The following PTPRT variants were observed in gnomAD, a reference collection of about 807,000 sequenced individuals.
The protein encoded by PTPRT is protein tyrosine phosphatase receptor type T, also known as receptor-type tyrosine-protein phosphatase T.
PTPRT carries 56 observed loss-of-function variants against 176.8 expected under a neutral mutation model. That is an observed-to-expected ratio of 0.32 (90% CI 0.26 to 0.40). PTPRT has a LOEUF of 0.40. Ranked by LOEUF, PTPRT falls within the 10% of genes least tolerant of loss-of-function variation. PTPRT has a pLI of 1.00. For synonymous variants in PTPRT, 783 were observed against 739.0 expected, an observed-to-expected ratio of 1.06 and a Z score of -0.96; for missense variants, 1,540 against 1,908.2, an observed-to-expected ratio of 0.81 and a Z score of 3.60.
At chr20:42,872,400 G>C (rs1448844678) in intron 2 of PTPRT, among the ~76,000 whole-genome samples, 1 of 152,234 alleles carries the variant, frequency 6.6e-6, no homozygotes, top group Non-Finnish European at 1.5e-5. Context: ...CGTGAGAACA[G>C]AGTACGTGCC....
intron 1 of PTPRT, among the ~76,000 whole-genome samples, chr20:43,184,659 C>T (rs1330433657): frequency 6.6e-6 from 1 of 152,026 alleles, no homozygotes; most frequent in East Asian, 1.9e-4. Flanking sequence ...CGTGCTCCAG[C>T]CCGGCGACAG....
chr20:42,984,694 G>GA (rs1983472892), intron 1 of PTPRT, among the ~76,000 whole-genome samples: 1 of 152,172 alleles, frequency 6.6e-6, no homozygotes. Context: ...TATTTTTACA[G>GA]AAAAGTAAAT....
At chr20:42,270,293 T>C (rs905813924) in intron 13 of PTPRT, 2 of 757,116 alleles carry the variant, frequency 2.6e-6, no homozygotes, top group Non-Finnish European at 3.7e-6. Context: ...GGTGGGTGGG[T>C]GGGGTGGAAA....
chr20:42,851,141 T>C (rs1159381450), intron 2 of PTPRT, among the ~76,000 whole-genome samples: 2 of 152,250 alleles, frequency 1.3e-5, no homozygotes, highest in East Asian at 3.8e-4. Context: ...TCATTAGAGT[T>C]GAACATTTTG....
At chr20:42,603,572 C>T (rs2057072) in intron 7 of PTPRT, among the ~76,000 whole-genome samples, 25,620 of 151,990 alleles carry the variant, frequency 0.17, 5,896 homozygotes, top group African/African-American at 0.52. Flanking sequence ...ACAAGGAGTT[C>T]GGATTTCATT....
At chr20:42,354,735 A>T (rs1377883680) in intron 9 of PTPRT, among the ~76,000 whole-genome samples, 1 of 152,244 alleles carries the variant, frequency 6.6e-6, no homozygotes, top group Non-Finnish European at 1.5e-5. Context: ...CAGAAAAGGA[A>T]GCACACCAAC....
chr20:42,150,778 G>T (rs921391944), intron 17 of PTPRT, among the ~76,000 whole-genome samples: 3 of 151,224 alleles, frequency 2.0e-5, no homozygotes, highest in Non-Finnish European at 4.4e-5. Context: ...TAACTATACA[G>T]AAGTAACGCA....
intron 1 of PTPRT, among the ~76,000 whole-genome samples, chr20:43,106,066 G>C (rs577188936): frequency 6.6e-6 from 1 of 152,200 alleles, no homozygotes; most frequent in African/African-American, 2.4e-5. Context: ...ACAAGCCAAG[G>C]CTGCCCCAGA....
In PTPRT at chr20:43,189,393, G is replaced by A. The variant is rs1600785844; in HGVS notation, c.88+253C>T. Among the ~76,000 whole-genome samples the A allele has an allele frequency of 6.6e-6, 1 of 152,324 alleles. No homozygotes were observed. The highest frequency in any genetic ancestry group is 1.9e-4 in the East Asian group (1 of 5,164). The stretch of plus-strand genomic sequence containing the variant: ...CGCGGAAAGTTACTCCAGCCCGGGG[G>A]GCCGGCAGGAAACTGAAGCGGGGAA... On this transcript the variant is annotated intron_variant, in intron 1 of 30. Coordinates refer to ENST00000373187, the MANE Select transcript of PTPRT (RefSeq NM_007050.6). This position sits in a 1 kb window ranked among gnomAD's most constrained non-coding sequence, Gnocchi z 5.0.
At chr20:42,151,801 T>C (rs1242941703) in intron 17 of PTPRT, among the ~76,000 whole-genome samples, 3 of 152,218 alleles carry the variant, frequency 2.0e-5, no homozygotes, top group Non-Finnish European at 4.4e-5. Flanking sequence ...GAAACATCTA[T>C]TCTGGTTTGC....
At chr20:42,597,330 C>T (rs1412452025) in intron 7 of PTPRT, among the ~76,000 whole-genome samples, 6 of 152,282 alleles carry the variant, frequency 3.9e-5, no homozygotes, top group African/African-American at 1.4e-4. Flanking sequence ...CTCACTTTTA[C>T]CATATATTGA....
intron 9 of PTPRT, among the ~76,000 whole-genome samples, chr20:42,355,781 C>A (rs1489622893): frequency 1.3e-5 from 2 of 152,116 alleles, no homozygotes; most frequent in African/African-American, 4.8e-5. Flanking sequence ...GGACTGGTGG[C>A]AACTACATTG....
At chr20:42,472,199 G>C in intron 8 of PTPRT, 67 bp downstream of exon 8, 1 of 1,514,760 alleles carries the variant, frequency 6.6e-7, no homozygotes, top group South Asian at 1.3e-5. Flanking sequence ...CCTCATAACT[G>C]ACTGCCATGG....
intron 1 of PTPRT, among the ~76,000 whole-genome samples, chr20:42,922,775 A>T (rs1979232433): frequency 6.6e-6 from 1 of 152,046 alleles, no homozygotes; most frequent in Non-Finnish European, 1.5e-5. Flanking sequence ...CTCAGCCTAG[A>T]TTAGCTGAGG....
At chr20:42,864,548 C>T (rs2078714276) in intron 2 of PTPRT, among the ~76,000 whole-genome samples, 1 of 152,200 alleles carries the variant, frequency 6.6e-6, no homozygotes, top group South Asian at 2.1e-4. Context: ...GTCATTCAAT[C>T]CCTATGTGTC....
chr20:42,837,038 A>T (rs932017245), intron 2 of PTPRT, among the ~76,000 whole-genome samples: 1 of 152,186 alleles, frequency 6.6e-6, no homozygotes, highest in African/African-American at 2.4e-5. Context: ...TTCCCTAATG[A>T]CAGGCACTTC....
Position 42,102,226 on chromosome 20 carries a change from A to G in PTPRT, c.3612T>C (p.Asp1204=). 1 of 1,614,142 alleles carries G rather than the reference A, an allele frequency of 6.2e-7. No homozygotes were observed. Among genetic ancestry groups the G allele is most frequent in the Non-Finnish European group, 8.5e-7 (1 of 1,180,016 alleles). The part of the protein sequence containing the change: ...CSIGLLPRNH[D]KNRSMDVLPL... Reference sequence around the variant, plus strand: ...GCAGCACGTCCATACTTCGATTCTTATCATGGTTCCGGGGCAGGAGCCCAA... The same window carrying G: ...GCAGCACGTCCATACTTCGATTCTTGTCATGGTTCCGGGGCAGGAGCCCAA... Residue 1204 remains aspartate, a synonymous_variant, in exon 26 of 31, where the codon GAT becomes GAC. Coordinates refer to ENST00000373187, the MANE Select transcript of PTPRT (RefSeq NM_007050.6).
At chr20:42,462,075 T>C (rs950435833) in intron 8 of PTPRT, among the ~76,000 whole-genome samples, 3 of 151,798 alleles carry the variant, frequency 2.0e-5, no homozygotes, top group African/African-American at 7.3e-5. Context: ...AGCAAATGGT[T>C]CATCCATAGA....
At chr20:43,136,739 G>A (rs760731128) in intron 1 of PTPRT, among the ~76,000 whole-genome samples, 42 of 152,198 alleles carry the variant, frequency 2.8e-4, no homozygotes, top group African/African-American at 3.9e-4. Flanking sequence ...GCTAGTAAGC[G>A]CTTGATCTCA....
Sources: gnomAD v4.1 joint callset for allele counts (sites outside exome capture counted in the v4.1 genomes callset) on GRCh38, gnomAD v4.1.1 for gene constraint, Gnocchi (gnomAD v3.1) non-coding constraint, MANE v1.5 for transcripts, NCBI Gene and HGNC (gene_info 2026-07-23, HGNC 2026-07-21) for gene names.